The following CNNM2 variants were observed in gnomAD, a reference collection of about 807,000 sequenced individuals.
CNNM2 encodes the protein cyclin and CBS domain divalent metal cation transport mediator 2.
CNNM2 carries 12 observed loss-of-function variants against 66.9 expected under a neutral mutation model. The ratio of observed to expected loss-of-function variants is 0.18; its 90% CI spans 0.11 to 0.29. The LOEUF (loss-of-function observed/expected upper bound fraction) is 0.29, where lower values mean the gene tolerates loss of function less well. Among genes scored for constraint, CNNM2 ranks in the 10% least tolerant of loss-of-function variants. The pLI, the probability that CNNM2 is intolerant of heterozygous loss-of-function variation, is 1.00. For synonymous variants in CNNM2, 557 were observed against 501.8 expected (o/e 1.11, Z -1.47); for missense variants, 705 against 1,167.7 (o/e 0.60, Z 5.77).
At chr10:103,055,177 G>C (rs1489778130) in intron 3 of CNNM2, among the ~76,000 whole-genome samples, 3 of 152,172 alleles carry the variant, frequency 2.0e-5, no homozygotes, top group Admixed American at 6.5e-5. Flanking sequence ...CCCATCCCCA[G>C]ATGCTCTCCA....
At chr10:102,981,631 G>A (rs970464291) in intron 1 of CNNM2, among the ~76,000 whole-genome samples, 18 of 151,696 alleles carry the variant, frequency 1.2e-4, no homozygotes, top group African/African-American at 3.1e-4. Flanking sequence ...GAGCTCAAGC[G>A]ATTTGCCTGC....
chr10:102,919,833 C>A lies in CNNM2; in HGVS notation c.1353C>A (p.Thr451=), dbSNP rs1176387545. ...LRTKTVEDVM[T]PLRDCFMITG... ...CCAAGACGGTGGAGGACGTGATGAC[C>A]CCACTCCGGGACTGCTTCATGATCA... The change falls in exon 1 of 8, where the codon ACC becomes ACA. Residue 451 remains threonine, a synonymous_variant. Coordinates refer to ENST00000369878, the MANE Select transcript of CNNM2 (RefSeq NM_017649.5). 1.9e-6 allele frequency: 3 copies of A among 1,614,054 alleles called. No homozygotes were observed. The highest frequency in any genetic ancestry group is 2.7e-5 in the African/African-American group (2 of 74,920).
At chr10:103,059,676 A>G (rs941329226) in intron 4 of CNNM2, among the ~76,000 whole-genome samples, 3 of 152,250 alleles carry the variant, frequency 2.0e-5, no homozygotes, top group Non-Finnish European at 4.4e-5. Context: ...TAACTTAACA[A>G]AATACGTATG....
chr10:103,065,437 C>T (rs983451526), intron 4 of CNNM2, among the ~76,000 whole-genome samples: 4 of 152,134 alleles, frequency 2.6e-5, no homozygotes, highest in Non-Finnish European at 4.4e-5. Context: ...AACCACCGCA[C>T]GCTTCCAAGA....
At chr10:102,972,736 T>C (rs902980162) in intron 1 of CNNM2, among the ~76,000 whole-genome samples, 1 of 152,210 alleles carries the variant, frequency 6.6e-6, no homozygotes, top group African/African-American at 2.4e-5. Flanking sequence ...TGTGTTTTTT[T>C]CTTTGAGAGT....
intron 6 of CNNM2, 69 bp downstream of exon 6, chr10:103,071,908 G>C: frequency 3.7e-6 from 5 of 1,369,606 alleles, no homozygotes; most frequent in African/African-American, 2.9e-5. Flanking sequence ...CGCCTGGCTG[G>C]CTGGGTCTGC....
chr10:102,922,931 C>T (rs1401255570), intron 1 of CNNM2, among the ~76,000 whole-genome samples: 1 of 139,388 alleles, frequency 7.2e-6, no homozygotes, highest in Non-Finnish European at 1.5e-5. Context: ...GACAAAGACC[C>T]TGTCTCAAAA....
intron 5 of CNNM2, 89 bp from the exon 6 acceptor site, chr10:103,071,685 G>A (rs2065585808): frequency 2.0e-6 from 2 of 1,006,988 alleles, no homozygotes; most frequent in African/African-American, 3.2e-5. Flanking sequence ...TGTATTGATA[G>A]AACAAGTATC....
intron 1 of CNNM2, among the ~76,000 whole-genome samples, chr10:102,984,610 A>G (rs2063767068): frequency 6.6e-6 from 1 of 152,192 alleles, no homozygotes; most frequent in Non-Finnish European, 1.5e-5. Flanking sequence ...TAGATATTTG[A>G]CAATCTAAGC....
At position 102,997,792 on chromosome 10, in the gene CNNM2, T is replaced by A. The variant is rs185804623; in HGVS notation, c.1622-51915T>A. Among the ~76,000 whole-genome samples, 349 of 152,264 alleles carry A rather than the reference T, an allele frequency of 2.3e-3. 4 individuals are homozygous for A. The highest frequency in any genetic ancestry group is 8.0e-3 in the African/African-American group (331 of 41,564). On this transcript the variant is annotated intron_variant, in intron 1 of 7. Transcript: ENST00000369878. ...GCAAGAAAGATACATTTTAATTTTGTTTGCAGTCCCATTAGATTTCTAATA... is the reference window on the plus strand; with the variant it reads ...GCAAGAAAGATACATTTTAATTTTGATTGCAGTCCCATTAGATTTCTAATA...
chr10:103,042,981 TTAG>T (rs1352178671), intron 1 of CNNM2, among the ~76,000 whole-genome samples: 5 of 152,318 alleles, frequency 3.3e-5, no homozygotes, highest in Non-Finnish European at 5.9e-5. Flanking sequence ...TAATTTTATG[TTAG>T]TAGATCAGAA....
intron 6 of CNNM2, among the ~76,000 whole-genome samples, chr10:103,072,671 T>C (rs924807374): frequency 6.6e-6 from 1 of 152,250 alleles, no homozygotes; most frequent in Non-Finnish European, 1.5e-5. Flanking sequence ...GGAAAAGGCT[T>C]AATCTGTCTT....
In CNNM2 at chr10:103,077,183, C is replaced by T. The variant is rs2296568; in HGVS notation, c.*3C>T. Reference sequence around the variant, plus strand: ...TGCACAACGAAGGCGCCATCTAGGCCGCGCTGGCTGCACCCGCCCAGGCCC... The same window carrying T: ...TGCACAACGAAGGCGCCATCTAGGCTGCGCTGGCTGCACCCGCCCAGGCCC... On this transcript the variant is annotated 3_prime_UTR_variant, in exon 8 of 8. Transcript: ENST00000369878. The T allele has an allele frequency of 0.13, 208,773 of 1,611,014 alleles. 14,997 individuals carry two copies. The highest frequency in any genetic ancestry group is 0.14 in the Non-Finnish European group (170,773 of 1,179,396).
chr10:103,088,939 T>TTGCAGCTAAATTCTTTCTATAGATTTA lies in CNNM2; in HGVS notation c.*11761_*11787dup, dbSNP rs1209540283. On this transcript the variant is annotated 3_prime_UTR_variant, in exon 8 of 8. Transcript: ENST00000369878. ...TCTGGGGGCTTGTTCCTTTGTCCAC[T>TTGCAGCTAAATTCTTTCTATAGATTTA]TGCAGCTAAATTCTTTCTATAGATT... is the stretch of plus-strand genomic sequence containing the variant. 1.4e-5 allele frequency: 3 copies of TTGCAGCTAAATTCTTTCTATAGATTTA among 212,118 alleles called. No homozygotes were observed. The highest frequency in any genetic ancestry group is 2.3e-5 in the African/African-American group (1 of 44,156). The allele number at this position is 212,118 out of a possible 1,614,324, so 13.1% of individuals were successfully genotyped here.
chr10:103,009,674 C>CAAA (rs36096913), intron 1 of CNNM2, among the ~76,000 whole-genome samples: 4,700 of 58,668 alleles, frequency 0.08, 246 homozygotes, highest in East Asian at 0.22. Flanking sequence ...CCTGAGTCTC[C>CAAA]AAAAAAAAAA....
chr10:102,936,214 A>C (rs1846235272), intron 1 of CNNM2, among the ~76,000 whole-genome samples: 1 of 152,130 alleles, frequency 6.6e-6, no homozygotes, highest in Admixed American at 6.6e-5. Context: ...GGGTTTAGAC[A>C]GTCCTCAGAA....
At chr10:103,064,392 T>TTTTTG (rs969308708) in intron 4 of CNNM2, among the ~76,000 whole-genome samples, 1 of 152,158 alleles carries the variant, frequency 6.6e-6, no homozygotes, top group Non-Finnish European at 1.5e-5. Context: ...ATAGCTGTTT[T>TTTTTG]TTTTGTTTTG....
chr10:102,988,465 CAAAG>C (rs1357341918), intron 1 of CNNM2, among the ~76,000 whole-genome samples: 1 of 152,100 alleles, frequency 6.6e-6, no homozygotes, highest in Admixed American at 6.5e-5. Context: ...CGTTTGACCA[CAAAG>C]AAATTCTATA....
chr10:103,048,660 G>A (rs1301110731), intron 1 of CNNM2, among the ~76,000 whole-genome samples: 1 of 150,974 alleles, frequency 6.6e-6, no homozygotes, highest in East Asian at 1.9e-4. Context: ...TCTAGTAGTC[G>A]TGTTTGAAGT....
Sources: allele counts gnomAD v4.1 joint callset (sites outside exome capture counted in the v4.1 genomes callset), GRCh38; gene constraint gnomAD v4.1.1; transcripts MANE v1.5; gene names NCBI Gene and HGNC (gene_info 2026-07-23, HGNC 2026-07-21).